The following FBXL12 variants were observed in gnomAD, a reference collection of about 807,000 sequenced individuals.
The protein encoded by FBXL12 is F-box/LRR-repeat protein 12.
A neutral mutation model predicts 24.9 loss-of-function variants in FBXL12; 22 were observed. That is an observed-to-expected ratio of 0.88 (90% CI 0.63 to 1.26). The LOEUF is 1.26. Among genes scored for constraint, FBXL12 ranks in the 50% most tolerant of loss-of-function variants. The pLI is 0.00. For missense variants in FBXL12, 384 were observed against 434.1 expected (o/e 0.88, Z 1.03); for synonymous variants, 193 against 193.8 (o/e 1.00, Z 0.03).
At position 9,818,168 on chromosome 19, in the gene FBXL12, C is replaced by T. The variant is rs2045922441; in HGVS notation, c.159+377G>A. 9.6e-6 allele frequency: 4 copies of T among 414,932 alleles called. No homozygotes were observed. The South Asian group carries it at 3.4e-4, about 36-fold the overall frequency. The allele number at this position is 414,932 out of a possible 1,614,324, so 25.7% of individuals were successfully genotyped here. On this transcript the variant is annotated intron_variant, in intron 2 of 2. Transcript: ENST00000247977. ...TCGAGGCTGCAATCGCACCACTGCA[C>T]TCCAGCCTGAGCAGCAGAGCGAGAC...
rs1386839388 is a variant in FBXL12 at position 9,810,482 on chromosome 19, CCTT to C, written c.*411_*413del. 4 of 171,666 alleles carry C rather than the reference CCTT, an allele frequency of 2.3e-5. No individual in the cohort carries two copies. Among genetic ancestry groups the C allele is most frequent in the Admixed American group, 2.2e-4 (4 of 18,032 alleles). The allele number at this position is 171,666 out of a possible 1,614,324, so 10.6% of individuals were successfully genotyped here. ...TTGTGGGTGTGCATGCATAGACAGTCCTTCTTGGGTACTCATAAGGGGGCTCAG... is the reference window on the plus strand; with the variant it reads ...TTGTGGGTGTGCATGCATAGACAGTCCTTGGGTACTCATAAGGGGGCTCAG... On this transcript the variant is annotated 3_prime_UTR_variant, in exon 3 of 3. Transcript: ENST00000247977.
intron 2 of FBXL12, chr19:9,818,224 AAC>A (rs2045923749): frequency 4.6e-6 from 2 of 432,290 alleles, no homozygotes; most frequent in South Asian, 6.4e-5. Context: ...AAAACTTGAT[AAC>A]ATAGTCATAA....
chr19:9,818,378 G>T, intron 2 of FBXL12, 167 bp downstream of exon 2: 1 of 685,912 alleles, frequency 1.5e-6, no homozygotes, highest in Non-Finnish European at 2.4e-6. Flanking sequence ...TTGAGGCCCT[G>T]AGGTCGAAGA....
intron 2 of FBXL12, among the ~76,000 whole-genome samples, chr19:9,812,777 A>C (rs1292344217): frequency 6.7e-6 from 1 of 150,180 alleles, no homozygotes; most frequent in African/African-American, 2.5e-5. Context: ...AAAAAAAAAA[A>C]ACAACAAATG....
chr19:9,811,338 G>T lies in FBXL12; in HGVS notation c.539C>A (p.Ser180Ter), dbSNP rs773277520. The part of the protein sequence containing the change: ...QGLTRFRALR[S>*]LVLGGTYRVT... ...ACGGTAGGTACCACCCAGCACCAGC[G>T]AGCGCAAGGCCCGGAAGCGCGTCAG... The change falls in exon 3 of 3, where the codon TCG (serine) becomes TAG (stop). Residue 180 changes from serine (S) to a stop codon, truncating the protein, a stop_gained. Transcript: ENST00000247977. LOFTEE classifies it high-confidence loss of function. The surrounding 1 kb of genome is among the most constrained non-coding windows in gnomAD (Gnocchi z 6.0). 7.5e-6 allele frequency: 12 copies of T among 1,609,866 alleles called. No individual in the cohort carries two copies. Among genetic ancestry groups the T allele is most frequent in the Non-Finnish European group, 1.0e-5 (12 of 1,179,966 alleles).
At chr19:9,818,375 C>T in intron 2 of FBXL12, 170 bp downstream of exon 2, 1 of 676,682 alleles carries the variant, frequency 1.5e-6, no homozygotes, top group Admixed American at 2.8e-5. Flanking sequence ...AAATTGAGGC[C>T]CTGAGGTCGA....
intron 2 of FBXL12, 24 bp downstream of exon 2, chr19:9,818,521 G>A (rs1255989988): frequency 6.5e-7 from 1 of 1,538,034 alleles, no homozygotes; most frequent in Non-Finnish European, 8.7e-7. Context: ...CGCGGCCCAG[G>A]CCCGCCCGGC....
At chr19:9,815,542 G>A (rs909992241) in intron 2 of FBXL12, among the ~76,000 whole-genome samples, 2 of 152,154 alleles carry the variant, frequency 1.3e-5, no homozygotes, top group Non-Finnish European at 2.9e-5. Context: ...CTTCCACACT[G>A]CCCTAGCAGA....
rs1035948527 is a variant in FBXL12, at chr19:9,813,244, T to G, written c.160-1527A>C. The G allele has an allele frequency of 1.2e-5, 15 of 1,231,378 alleles. No individual in the cohort carries two copies. The African/African-American group carries it at 2.0e-4, about 17-fold the overall frequency. 76.3% of individuals were successfully genotyped at this position (1,231,378 alleles called of 1,614,324 possible). A position where few individuals can be genotyped will look rare whatever the true frequency, so the allele number is the denominator to read the frequency against. ...TAGCATGCTTACATCTGCCTTTTAT[T>G]GCTGGATTTCTCTACTTGGCATCAT... On this transcript the variant is annotated intron_variant, in intron 2 of 2. Transcript: ENST00000247977.
chr19:9,813,900 A>C (rs2145371380), intron 2 of FBXL12, among the ~76,000 whole-genome samples: 1 of 152,084 alleles, frequency 6.6e-6, no homozygotes, highest in East Asian at 2.0e-4. Flanking sequence ...CGGCCTCCCA[A>C]AGTGCTGGGA....
chr19:9,813,319 T>G (rs572272703), intron 2 of FBXL12: 1 of 1,109,252 alleles, frequency 9.0e-7, no homozygotes, highest in South Asian at 4.6e-5. Context: ...TCTTTATGTG[T>G]GCTTACAAAG....
rs113049178 is a variant in FBXL12 at position 9,811,931 on chromosome 19, CTTTTTTTTTT to C, written c.160-224_160-215del. On this transcript the variant is annotated intron_variant, in intron 2 of 2. Coordinates refer to ENST00000247977, the MANE Select transcript of FBXL12 (RefSeq NM_017703.3). This position sits in a 1 kb window ranked among gnomAD's most constrained non-coding sequence, Gnocchi z 6.0. ...TTGCCTGCTAGGGCTTTGAACAAATCTTTTTTTTTTTTTTTTTTTCTGAGACAGGTTCTTG... is the reference window on the plus strand; with the variant it reads ...TTGCCTGCTAGGGCTTTGAACAAATCTTTTTTTTTCTGAGACAGGTTCTTG... Among the ~76,000 whole-genome samples, 1 of 131,208 alleles carries C rather than the reference CTTTTTTTTTT, an allele frequency of 7.6e-6. No individual in the cohort carries two copies. Among genetic ancestry groups the C allele is most frequent in the African/African-American group, 2.8e-5 (1 of 35,942 alleles). 86.1% of individuals were successfully genotyped at this position (131,208 alleles called of 152,430 possible). A position where few individuals can be genotyped will look rare whatever the true frequency, so the allele number is the denominator to read the frequency against.
In FBXL12 at chr19:9,818,937, T is replaced by C; in HGVS notation, c.-124A>G. 1 of 896,376 alleles carries C rather than the reference T, an allele frequency of 1.1e-6. No homozygotes were observed. Among genetic ancestry groups the C allele is most frequent in the Non-Finnish European group, 1.7e-6 (1 of 585,144 alleles). The allele number at this position is 896,376 out of a possible 1,614,324, so 55.5% of individuals were successfully genotyped here. On this transcript the variant is annotated 5_prime_UTR_variant, in exon 1 of 3. Transcript: ENST00000247977. ...AGCCGGTCGAGAAATTTGACCTTCCTCTCGCTGGGAAGTGATTCGGTCCCA... is the reference window on the plus strand; with the variant it reads ...AGCCGGTCGAGAAATTTGACCTTCCCCTCGCTGGGAAGTGATTCGGTCCCA...
At chr19:9,812,776 A>C (rs866034064) in intron 2 of FBXL12, among the ~76,000 whole-genome samples, 411 of 148,438 alleles carry the variant, frequency 2.8e-3, no homozygotes, top group Non-Finnish European at 4.6e-3. Context: ...AAAAAAAAAA[A>C]AACAACAAAT....
Position 9,818,568 on chromosome 19 carries a change from G to C in FBXL12, c.136C>G (p.His46Asp). Residue 46 changes from histidine to aspartate, a missense_variant, in exon 2 of 3, where the codon CAT (histidine) becomes GAT (aspartate). Coordinates refer to ENST00000247977, the MANE Select transcript of FBXL12 (RefSeq NM_017703.3). ...ACCGTGTAGAGCGTCAGGTCGACAT[G>C]TCGCCACAGCCACCGGTCGTCCACC... is the stretch of plus-strand genomic sequence containing the variant. ...RLVDDRWLWRHVDLTLYTMRP... is the reference protein window; with the variant it reads ...RLVDDRWLWRDVDLTLYTMRP... 6.4e-7 allele frequency: 1 copy of C among 1,552,532 alleles called. No homozygotes were observed. The highest frequency in any genetic ancestry group is 8.7e-7 in the Non-Finnish European group (1 of 1,151,020).
At chr19:9,818,668 C>T in intron 1 of FBXL12, 51 bp from the exon 2 acceptor site, 1 of 1,545,374 alleles carries the variant, frequency 6.5e-7, no homozygotes, top group Non-Finnish European at 8.8e-7. Context: ...GGCCACATCG[C>T]ATCTCCAGGT....
At chr19:9,815,501 C>A (rs540887064) in intron 2 of FBXL12, among the ~76,000 whole-genome samples, 1 of 152,302 alleles carries the variant, frequency 6.6e-6, no homozygotes, top group African/African-American at 2.4e-5. Context: ...CCAATAGGGA[C>A]TCTGTGTGGG....
In FBXL12 at chr19:9,818,766, G is replaced by C; in HGVS notation, c.48C>G (p.Phe16Leu). The C allele has an allele frequency of 6.4e-7, 1 of 1,555,894 alleles. No homozygotes were observed. The highest frequency in any genetic ancestry group is 8.7e-7 in the Non-Finnish European group (1 of 1,148,560). Residue 16 changes from phenylalanine (F) to leucine (L), a missense_variant, in exon 1 of 3, where the codon TTC (phenylalanine) becomes TTG (leucine). Transcript: ENST00000247977. Reference sequence around the variant, plus strand: ...TCCGGTCCCGTACCGGGAGGTAAGAGAAGATCTCGAGCAGGACCGAGTCCG... The same window carrying C: ...TCCGGTCCCGTACCGGGAGGTAAGACAAGATCTCGAGCAGGACCGAGTCCG... ...ELPDSVLLEI[F>L]SYLPVRDRIR... is the part of the protein sequence containing the mutation.
chr19:9,818,661 C>G, intron 1 of FBXL12, 44 bp from the exon 2 acceptor site: 2 of 1,546,220 alleles, frequency 1.3e-6, no homozygotes, highest in South Asian at 2.4e-5. Flanking sequence ...AGCCCCGGGC[C>G]ACATCGCATC....
Sources: allele counts gnomAD v4.1 joint callset (sites outside exome capture counted in the v4.1 genomes callset), GRCh38; gene constraint gnomAD v4.1.1; non-coding constraint Gnocchi (gnomAD v3.1); transcripts MANE v1.5; gene names NCBI Gene and HGNC (gene_info 2026-07-23, HGNC 2026-07-21).